PLCB1: variants seen among roughly 807,000 people sequenced by gnomAD.
PLCB1 encodes the protein phospholipase C beta 1, also known as 1-phosphatidylinositol 4,5-bisphosphate phosphodiesterase beta-1.
A neutral mutation model predicts 161.8 loss-of-function variants in PLCB1; 46 were observed. That is an observed-to-expected ratio of 0.28 (90% CI 0.22 to 0.36). PLCB1 has a LOEUF of 0.36. Among genes scored for constraint, PLCB1 ranks in the 10% least tolerant of loss-of-function variants. PLCB1 has a pLI of 1.00. For synonymous variants in PLCB1, 517 were observed against 503.7 expected, an observed-to-expected ratio of 1.03 and a Z score of -0.35; for missense variants, 1,016 against 1,472.5, an observed-to-expected ratio of 0.69 and a Z score of 5.07.
intron 3 of PLCB1, among the ~76,000 whole-genome samples, chr20:8,398,766 C>CA (rs1978402634): frequency 6.8e-6 from 1 of 147,532 alleles, no homozygotes. Context: ...ATAATTTGCA[C>CA]TTTTTTTTTT....
At chr20:8,642,681 T>G (rs558970332) in intron 4 of PLCB1, among the ~76,000 whole-genome samples, 3 of 152,342 alleles carry the variant, frequency 2.0e-5, no homozygotes, top group African/African-American at 7.2e-5. Context: ...CCAGTAACTT[T>G]TAAATATTAA....
Position 8,720,554 on chromosome 20 carries a change from G to T in PLCB1, c.1514-1800G>T, listed in dbSNP as rs140729904. 4.4e-3 allele frequency among the ~76,000 whole-genome samples: 676 copies of T among 152,124 alleles called. 1 individual carries two copies. Among genetic ancestry groups the T allele is most frequent in the Non-Finnish European group, 7.5e-3 (509 of 68,018 alleles). On this transcript the variant is annotated intron_variant, in intron 14 of 31. Coordinates refer to ENST00000338037, the MANE Select transcript of PLCB1 (RefSeq NM_015192.4). ...GGCCCCTGTTGGCCAGATGCCTCTTGCAGGATTCAGCCCTTTGCTAGTAGA... is the reference window on the plus strand; with the variant it reads ...GGCCCCTGTTGGCCAGATGCCTCTTTCAGGATTCAGCCCTTTGCTAGTAGA...
In PLCB1 at chr20:8,685,764, T is replaced by C. The variant is rs114964547; in HGVS notation, c.1009+686T>C. Among the ~76,000 whole-genome samples, 381 of 151,954 alleles carry C rather than the reference T, an allele frequency of 2.5e-3. 1 individual carries two copies. Among genetic ancestry groups the C allele is most frequent in the African/African-American group, 8.7e-3 (362 of 41,466 alleles). The stretch of plus-strand genomic sequence containing the variant: ...AAAGAAAAAAAAAAGAATTAAGTAA[T>C]TGCTTTTTGTTCAAGGTAGGACAGG... On this transcript the variant is annotated intron_variant, in intron 10 of 31. Transcript: ENST00000338037.
intron 23 of PLCB1, among the ~76,000 whole-genome samples, chr20:8,744,616 T>TAAAATAAAATTA (rs1555787573): frequency 1.6e-5 from 2 of 121,222 alleles, no homozygotes; most frequent in Admixed American, 8.1e-5. Context: ...AAAAATAAAA[T>TAAAATAAAATTA]AAATAAAATA....
intron 31 of PLCB1, among the ~76,000 whole-genome samples, chr20:8,805,174 A>G (rs561447153): frequency 6.6e-6 from 1 of 152,272 alleles, no homozygotes; most frequent in South Asian, 2.1e-4. Context: ...TTCATTGGTG[A>G]AAAAATATAT....
chr20:8,690,908 C>G lies in PLCB1; in HGVS notation c.1009+5830C>G, dbSNP rs191242811. ...ATGGAGTCAGCTATGTCAGATTTCT[C>G]TCACTGTCATGATTTTTGCAAAGGC... On this transcript the variant is annotated intron_variant, in intron 10 of 31. Transcript: ENST00000338037. 4.6e-4 allele frequency among the ~76,000 whole-genome samples: 70 copies of G among 152,340 alleles called. 1 individual carries two copies. The highest frequency in any genetic ancestry group is 3.7e-3 in the Admixed American group (56 of 15,298).
chr20:8,391,168 G>A (rs1386003464), intron 3 of PLCB1, among the ~76,000 whole-genome samples: 8 of 151,816 alleles, frequency 5.3e-5, no homozygotes, highest in Admixed American at 4.6e-4. Context: ...TATATAGATT[G>A]TCACTATAAT....
chr20:8,315,676 C>G (rs1400200641), intron 2 of PLCB1, among the ~76,000 whole-genome samples: 2 of 152,134 alleles, frequency 1.3e-5, no homozygotes, highest in Non-Finnish European at 2.9e-5. Context: ...ACCTTACTGC[C>G]TACTTTCATT....
chr20:8,246,137 AAC>A (rs1980865321), intron 2 of PLCB1, among the ~76,000 whole-genome samples: 1 of 151,970 alleles, frequency 6.6e-6, no homozygotes, highest in Admixed American at 6.6e-5. Flanking sequence ...TAAAATTTAA[AAC>A]ACAAAAGACA....
chr20:8,764,124 G>A (rs1036216755), intron 25 of PLCB1, among the ~76,000 whole-genome samples: 3 of 152,056 alleles, frequency 2.0e-5, no homozygotes, highest in African/African-American at 4.8e-5. Flanking sequence ...CTGAGATCAC[G>A]CCACTGCACT....
chr20:8,427,926 T>C (rs886861284), intron 3 of PLCB1, among the ~76,000 whole-genome samples: 1 of 152,194 alleles, frequency 6.6e-6, no homozygotes, highest in Non-Finnish European at 1.5e-5. Context: ...AGGGTCTATG[T>C]GATTCTAGAA....
intron 3 of PLCB1, among the ~76,000 whole-genome samples, chr20:8,408,600 A>G (rs140248748): frequency 4.8e-4 from 73 of 152,334 alleles, no homozygotes; most frequent in Non-Finnish European, 8.5e-4. Context: ...TGCATGGGAC[A>G]TACTGTAAAT....
At chr20:8,520,996 A>G (rs1984323072) in intron 3 of PLCB1, among the ~76,000 whole-genome samples, 1 of 152,200 alleles carries the variant, frequency 6.6e-6, no homozygotes, top group African/African-American at 2.4e-5. Context: ...CTATCCTAAG[A>G]CAAATTAAAT....
intron 3 of PLCB1, among the ~76,000 whole-genome samples, chr20:8,603,821 T>A (rs1347874714): frequency 6.6e-6 from 1 of 152,204 alleles, no homozygotes; most frequent in African/African-American, 2.4e-5. Context: ...GTTGGACAGG[T>A]CAAAGTGGGT....
chr20:8,477,371 C>T lies in PLCB1; in HGVS notation c.246+105921C>T, dbSNP rs149859813. On this transcript the variant is annotated intron_variant, in intron 3 of 31. Transcript: ENST00000338037. ...GCCAGGTATTAGGACCAAAGGAAGA[C>T]GGGCAGACATAAGAACCCATCCAAT... Among the ~76,000 whole-genome samples, 8 of 152,184 alleles carry T rather than the reference C, an allele frequency of 5.3e-5. 1 individual carries two copies. The highest frequency in any genetic ancestry group is 1.2e-4 in the Non-Finnish European group (8 of 68,022).
At chr20:8,690,222 G>A (rs891089283) in intron 10 of PLCB1, among the ~76,000 whole-genome samples, 11 of 149,806 alleles carry the variant, frequency 7.3e-5, no homozygotes, top group South Asian at 2.1e-4. Context: ...AGATAAATCT[G>A]TAACCACTCA....
chr20:8,685,570 C>A (rs78851470), intron 10 of PLCB1, among the ~76,000 whole-genome samples: 390 of 121,266 alleles, frequency 3.2e-3, no homozygotes, highest in East Asian at 4.6e-3. Context: ...ACTAAAAATA[C>A]AAAAAAAAAA....
intron 3 of PLCB1, among the ~76,000 whole-genome samples, chr20:8,424,988 T>C (rs947269476): frequency 1.3e-5 from 2 of 152,084 alleles, no homozygotes; most frequent in Non-Finnish European, 2.9e-5. Flanking sequence ...TCACCTCATG[T>C]AACTGAAGCA....
intron 2 of PLCB1, among the ~76,000 whole-genome samples, chr20:8,235,291 T>C (rs142193302): frequency 2.0e-5 from 3 of 152,258 alleles, no homozygotes; most frequent in Admixed American, 1.3e-4. Flanking sequence ...ATTATTCTAC[T>C]GGTAAATTAA....
Sources: gnomAD v4.1 joint callset for allele counts (sites outside exome capture counted in the v4.1 genomes callset) on GRCh38, gnomAD v4.1.1 for gene constraint, MANE v1.5 for transcripts, NCBI Gene and HGNC (gene_info 2026-07-23, HGNC 2026-07-21) for gene names.